Variants in SLC14A2 observed in about 807,000 individuals in gnomAD.
SLC14A2 encodes the protein solute carrier family 14 member 2.
In SLC14A2, 91 loss-of-function variants were observed where a neutral mutation model predicts 104.6. That is an observed-to-expected ratio of 0.87 (90% CI 0.73 to 1.04). SLC14A2 has a LOEUF of 1.04. Ranked by LOEUF, SLC14A2 falls within the 50% of genes least tolerant of loss-of-function variation. SLC14A2 has a pLI of 0.00. For missense variants in SLC14A2, 1,189 were observed against 1,156.0 expected, an observed-to-expected ratio of 1.03 and a Z score of -0.41; for synonymous variants, 476 against 466.4, an observed-to-expected ratio of 1.02 and a Z score of -0.27.
At chr18:45,246,095 A>T (rs1440863208) in intron 1 of SLC14A2, among the ~76,000 whole-genome samples, 1 of 151,622 alleles carries the variant, frequency 6.6e-6, no homozygotes, top group Non-Finnish European at 1.5e-5. Context: ...GGAGACAATT[A>T]AAGTTCAATG....
intron 2 of SLC14A2, among the ~76,000 whole-genome samples, chr18:45,517,607 A>C (rs890118727): frequency 6.6e-6 from 1 of 152,170 alleles, no homozygotes; most frequent in Non-Finnish European, 1.5e-5. Flanking sequence ...GCTTCTTTTG[A>C]CAGACTTTAT....
At chr18:45,475,892 C>T (rs1448412843) in intron 1 of SLC14A2, among the ~76,000 whole-genome samples, 2 of 151,728 alleles carry the variant, frequency 1.3e-5, no homozygotes, top group Non-Finnish European at 2.9e-5. Flanking sequence ...TGAGATGGGT[C>T]TTCTGAATAC....
chr18:45,206,385 C>T, the SLC14A2 span, among the ~76,000 whole-genome samples: 3 of 151,890 alleles, frequency 2.0e-5, no homozygotes, highest in Admixed American at 1.3e-4. Flanking sequence ...CTAACAGTGA[C>T]CCTCCAGAAA....
chr18:45,454,233 A>T (rs1469822233), intron 1 of SLC14A2, among the ~76,000 whole-genome samples: 2 of 152,106 alleles, frequency 1.3e-5, no homozygotes, highest in Non-Finnish European at 1.5e-5. Context: ...AAACATTCTA[A>T]TCCTCAACTT....
At chr18:45,396,692 G>A (rs1377412674) in intron 1 of SLC14A2, among the ~76,000 whole-genome samples, 2 of 142,892 alleles carry the variant, frequency 1.4e-5, no homozygotes, top group African/African-American at 2.6e-5. Flanking sequence ...TTTTAGGTTC[G>A]GGGGTACATG....
chr18:45,611,609 C>T (rs1437690689), upstream of SLC14A2, among the ~76,000 whole-genome samples: 1 of 152,198 alleles, frequency 6.6e-6, no homozygotes, highest in Non-Finnish European at 1.5e-5. Flanking sequence ...TAAGGCCCAG[C>T]TCTAGGGAGA....
rs1301908016 is a variant in SLC14A2 at position 45,393,363 on chromosome 18, G to A, written c.-124-89870G>A. ...TCAATCCATGCCTGAATTTTTGCCAGTGGTTGATTCATTCCCTTGATCAAA... is the reference window on the plus strand; with the variant it reads ...TCAATCCATGCCTGAATTTTTGCCAATGGTTGATTCATTCCCTTGATCAAA... On this transcript the variant is annotated intron_variant, in intron 1 of 20. Coordinates refer to the SLC14A2 transcript ENST00000586448. 2.0e-5 allele frequency among the ~76,000 whole-genome samples: 3 copies of A among 152,174 alleles called. No homozygotes were observed. The South Asian group carries it at 6.2e-4, about 32-fold the overall frequency.
chr18:45,348,253 G>A (rs1264665605), intron 1 of SLC14A2, among the ~76,000 whole-genome samples: 1 of 152,208 alleles, frequency 6.6e-6, no homozygotes, highest in African/African-American at 2.4e-5. Flanking sequence ...GAAAGTAGTT[G>A]CAAGATTTGA....
intron 1 of SLC14A2, among the ~76,000 whole-genome samples, chr18:45,242,877 G>A (rs1364016454): frequency 6.6e-6 from 1 of 152,174 alleles, no homozygotes; most frequent in Non-Finnish European, 1.5e-5. Flanking sequence ...GTTTACATGA[G>A]CTGGTTTGTG....
chr18:45,571,639 C>T (rs2044347096), intron 2 of SLC14A2, among the ~76,000 whole-genome samples: 1 of 152,218 alleles, frequency 6.6e-6, no homozygotes, highest in Non-Finnish European at 1.5e-5. Flanking sequence ...CTTAAGATGG[C>T]CTTTCCACTG....
chr18:45,632,128 G>GGTGTGTGTGTGTGTGTTT (rs1423406135), intron 4 of SLC14A2, among the ~76,000 whole-genome samples: 2 of 125,212 alleles, frequency 1.6e-5, no homozygotes, highest in Non-Finnish European at 3.6e-5. Flanking sequence ...GCAAGACAAG[G>GGTGTGTGTGTGTGTGTTT]GTGTGTGTGT....
intron 1 of SLC14A2, among the ~76,000 whole-genome samples, chr18:45,449,327 A>T (rs1267008647): frequency 1.3e-5 from 2 of 152,142 alleles, no homozygotes; most frequent in Non-Finnish European, 2.9e-5. Context: ...TTCTTCACCT[A>T]TGAGAATCTC....
intron 1 of SLC14A2, among the ~76,000 whole-genome samples, chr18:45,232,213 T>C (rs1599594221): frequency 6.6e-6 from 1 of 152,210 alleles, no homozygotes; most frequent in Non-Finnish European, 1.5e-5. Context: ...AGCATGGCTG[T>C]GAGGCATCAG....
At chr18:45,363,935 C>T (rs545244597) in intron 1 of SLC14A2, among the ~76,000 whole-genome samples, 1 of 152,256 alleles carries the variant, frequency 6.6e-6, no homozygotes, top group Non-Finnish European at 1.5e-5. Flanking sequence ...ACCTGGGCCT[C>T]CTGCCTCCCC....
chr18:45,426,543 C>CGTGTGT (rs765432157), intron 1 of SLC14A2, among the ~76,000 whole-genome samples: 4 of 135,176 alleles, frequency 3.0e-5, no homozygotes, highest in East Asian at 2.3e-4. Context: ...ATGAGATCAG[C>CGTGTGT]ATGTGTGTGT....
chr18:45,200,876 A>G, the SLC14A2 span, among the ~76,000 whole-genome samples: 1 of 152,168 alleles, frequency 6.6e-6, no homozygotes. Flanking sequence ...TATATTTATT[A>G]TAATCAATAA....
chr18:45,500,626 T>A (rs1598925044), intron 2 of SLC14A2, among the ~76,000 whole-genome samples: 1 of 144,960 alleles, frequency 6.9e-6, no homozygotes, highest in Admixed American at 6.8e-5. Flanking sequence ...GACGCATGAG[T>A]GTGTTAGTAA....
rs574346622 is a variant in SLC14A2 at position 45,604,226 on chromosome 18, G to A, written c.-34-20405G>A. ...TCAAGAATGAATATGATGCAAAAAA[G>A]TCATTTCTCACTGCGTTCTAAATGA... On this transcript the variant is annotated intron_variant, in intron 2 of 20. Coordinates refer to the SLC14A2 transcript ENST00000586448. Among the ~76,000 whole-genome samples, 5 of 152,244 alleles carry A rather than the reference G, an allele frequency of 3.3e-5. No homozygotes were observed. In the South Asian group the frequency reaches 1.0e-3, roughly 32 times the overall value.
chr18:45,486,515 T>C (rs1382390672), intron 2 of SLC14A2, among the ~76,000 whole-genome samples: 1 of 152,164 alleles, frequency 6.6e-6, no homozygotes, highest in Non-Finnish European at 1.5e-5. Context: ...AAAATAAAAA[T>C]GTATTTGCAG....
Sources: allele counts gnomAD v4.1 joint callset (sites outside exome capture counted in the v4.1 genomes callset), GRCh38; gene constraint gnomAD v4.1.1; transcripts MANE v1.5; gene names NCBI Gene and HGNC (gene_info 2026-07-23, HGNC 2026-07-21).